Variants in CDH9 observed in about 807,000 individuals in gnomAD.
CDH9 encodes cadherin-9.
Under a neutral mutation model 70.9 loss-of-function variants are expected in CDH9, and 28 were observed. That is an observed-to-expected ratio of 0.40 (90% CI 0.29 to 0.54). The LOEUF (loss-of-function observed/expected upper bound fraction) is 0.54. Among genes scored for constraint, CDH9 ranks in the 20% least tolerant of loss-of-function variants. The pLI is 0.59. For missense variants in CDH9, 874 were observed against 984.4 expected (o/e 0.89, Z 1.50); for synonymous variants, 409 against 343.1 (o/e 1.19, Z -2.12).
At chr5:26,975,836 A>G (rs1479166254) in intron 2 of CDH9, among the ~76,000 whole-genome samples, 2 of 152,188 alleles carry the variant, frequency 1.3e-5, no homozygotes, top group African/African-American at 2.4e-5. Flanking sequence ...AGTTATGGGT[A>G]GTAGAGACTG....
intron 2 of CDH9, among the ~76,000 whole-genome samples, chr5:26,939,300 A>C (rs1741618318): frequency 6.6e-6 from 1 of 151,862 alleles, no homozygotes; most frequent in Non-Finnish European, 1.5e-5. Context: ...GTTAATATGA[A>C]ATGAGCTCTT....
In CDH9 at chr5:26,889,732, A is replaced by G. The variant is rs557234562; in HGVS notation, c.1512+104T>C. On this transcript the variant is annotated intron_variant, in intron 9 of 11. Coordinates refer to ENST00000231021, the MANE Select transcript of CDH9 (RefSeq NM_016279.4). Reference sequence around the variant, plus strand: ...GATAAATGGTGGACAAGAAGTATTGACAACAGCCTGCACAAAAGAAATCCT... The same window carrying G: ...GATAAATGGTGGACAAGAAGTATTGGCAACAGCCTGCACAAAAGAAATCCT... 1.1e-5 allele frequency: 7 copies of G among 645,732 alleles called. 1 individual carries two copies. In the East Asian group the frequency reaches 1.8e-4, roughly 16 times the overall value. The allele number at this position is 645,732 out of a possible 1,614,324, so 40.0% of individuals were successfully genotyped here.
chr5:26,923,466 A>T (rs1292964134), intron 2 of CDH9, among the ~76,000 whole-genome samples: 1 of 152,042 alleles, frequency 6.6e-6, no homozygotes, highest in African/African-American at 2.4e-5. Flanking sequence ...ATCTTAATAC[A>T]ATAATAGCTA....
chr5:27,012,848 T>A (rs1421836994), intron 1 of CDH9, among the ~76,000 whole-genome samples: 2 of 152,012 alleles, frequency 1.3e-5, no homozygotes, highest in Non-Finnish European at 2.9e-5. Flanking sequence ...CAAACACTGA[T>A]ATTAAAATTC....
At chr5:26,910,540 A>T (rs900446216) in intron 3 of CDH9, among the ~76,000 whole-genome samples, 9 of 152,126 alleles carry the variant, frequency 5.9e-5, no homozygotes, top group African/African-American at 2.2e-4. Flanking sequence ...TCTATCTATC[A>T]TCTGTCTTTC....
chr5:26,885,401 T>A lies in CDH9; in HGVS notation c.1882+213A>T, dbSNP rs571046262. ...TTTTTAAATACGCATGTGTATAGCA[T>A]TTGTTAGATGTTTCTTTTTGGTCTC... On this transcript the variant is annotated intron_variant, in intron 11 of 11. Coordinates refer to ENST00000231021, the MANE Select transcript of CDH9 (RefSeq NM_016279.4). Among the ~76,000 whole-genome samples the A allele has an allele frequency of 4.6e-5, 7 of 152,296 alleles. No individual in the cohort carries two copies. The East Asian group carries it at 1.4e-3, about 29-fold the overall frequency.
At chr5:27,006,915 C>T (rs1369630250) in intron 1 of CDH9, among the ~76,000 whole-genome samples, 4 of 152,076 alleles carry the variant, frequency 2.6e-5, no homozygotes, top group East Asian at 1.9e-4. Context: ...ACTCTAGAAA[C>T]ATAGTCTACA....
At chr5:26,896,732 G>T (rs1740758499) in intron 7 of CDH9, among the ~76,000 whole-genome samples, 1 of 151,856 alleles carries the variant, frequency 6.6e-6, no homozygotes, top group Admixed American at 6.6e-5. Flanking sequence ...AGCTAAACTT[G>T]ACACCCAAAC....
intron 1 of CDH9, among the ~76,000 whole-genome samples, chr5:27,017,060 T>C (rs1286205674): frequency 1.3e-5 from 2 of 151,968 alleles, no homozygotes; most frequent in Admixed American, 6.6e-5. Flanking sequence ...CTATTCTTTC[T>C]ATGTGTTCCT....
At chr5:27,018,142 G>A (rs1027177656) in intron 1 of CDH9, among the ~76,000 whole-genome samples, 2 of 151,640 alleles carry the variant, frequency 1.3e-5, no homozygotes, top group African/African-American at 4.8e-5. Context: ...TATTTGGATT[G>A]ACTTCTATAT....
intron 2 of CDH9, among the ~76,000 whole-genome samples, chr5:26,974,514 A>G (rs1395792835): frequency 6.6e-6 from 1 of 152,180 alleles, no homozygotes; most frequent in Admixed American, 6.5e-5. Flanking sequence ...TAAAATCAAC[A>G]ATGAATTGAG....
intron 2 of CDH9, among the ~76,000 whole-genome samples, chr5:26,945,650 A>G (rs1741740027): frequency 6.6e-6 from 1 of 152,218 alleles, no homozygotes; most frequent in Admixed American, 6.5e-5. Context: ...ACAATAAAAA[A>G]GTGCATATGG....
At position 27,004,019 on chromosome 5, in the gene CDH9, G is replaced by A. The variant is rs138316042; in HGVS notation, c.-49-15637C>T. ...ATCTAAAATTGTTCTAAAAAATTAC[G>A]AAGAAGAAGAAGAATAAAGCAAGTT... On this transcript the variant is annotated intron_variant, in intron 1 of 11. Coordinates refer to ENST00000231021, the MANE Select transcript of CDH9 (RefSeq NM_016279.4). 4.5e-3 allele frequency among the ~76,000 whole-genome samples: 667 copies of A among 147,758 alleles called. 5 individuals carry two copies. The highest frequency in any genetic ancestry group is 0.016 in the African/African-American group (634 of 40,102).
At chr5:27,030,872 A>G (rs948600415) in intron 1 of CDH9, among the ~76,000 whole-genome samples, 14 of 152,026 alleles carry the variant, frequency 9.2e-5, no homozygotes, top group African/African-American at 3.4e-4. Context: ...ACATCTAGAT[A>G]TAATTATATA....
At chr5:27,020,799 G>T (rs1220159406) in intron 1 of CDH9, among the ~76,000 whole-genome samples, 1 of 150,910 alleles carries the variant, frequency 6.6e-6, no homozygotes, top group African/African-American at 2.4e-5. Flanking sequence ...GTTATTCTTG[G>T]TTATTAAATG....
intron 2 of CDH9, among the ~76,000 whole-genome samples, chr5:26,938,257 G>A (rs6880157): frequency 0.99 from 150,103 of 151,354 alleles, 74,457 homozygotes; most frequent in Middle Eastern, 1. Context: ...TTTAGAGAGT[G>A]TATATTTAAA....
At chr5:26,889,230 T>G (rs1740615605) in intron 9 of CDH9, among the ~76,000 whole-genome samples, 1 of 32,800 alleles carries the variant, frequency 3.0e-5, no homozygotes, top group Non-Finnish European at 6.1e-5. Flanking sequence ...AATACTACAT[T>G]TTTTTGTCAA....
chr5:26,921,601 C>A (rs552384402), intron 2 of CDH9, among the ~76,000 whole-genome samples: 34 of 152,172 alleles, frequency 2.2e-4, no homozygotes, highest in Non-Finnish European at 3.8e-4. Flanking sequence ...TCAATAAAAA[C>A]CAATGCAGAA....
intron 1 of CDH9, among the ~76,000 whole-genome samples, chr5:27,035,772 T>C (rs1373928127): frequency 6.6e-6 from 1 of 151,628 alleles, no homozygotes; most frequent in Admixed American, 6.6e-5. Flanking sequence ...TTGGACATTT[T>C]TTAAGATATC....
Sources: gnomAD v4.1 joint callset for allele counts (sites outside exome capture counted in the v4.1 genomes callset) on GRCh38, gnomAD v4.1.1 for gene constraint, MANE v1.5 for transcripts, NCBI Gene and HGNC (gene_info 2026-07-23, HGNC 2026-07-21) for gene names.